The following METTL24 variants were observed in gnomAD, a reference collection of about 807,000 sequenced individuals.
METTL24 encodes the protein probable methyltransferase-like protein 24.
METTL24 carries 29 observed loss-of-function variants against 32.7 expected under a neutral mutation model. The ratio of observed to expected loss-of-function variants is 0.89; its 90% CI spans 0.66 to 1.21. METTL24 has a LOEUF of 1.21. Ranked by LOEUF, METTL24 falls within the 50% of genes most tolerant of loss-of-function variation. The pLI is 0.00. For synonymous variants in METTL24, 163 were observed against 179.5 expected (o/e 0.91, Z 0.73); for missense variants, 439 against 468.1 (o/e 0.94, Z 0.57).
chr6:110,325,867 G>A (rs1179365427), intron 1 of METTL24, among the ~76,000 whole-genome samples: 2 of 152,192 alleles, frequency 1.3e-5, no homozygotes, highest in African/African-American at 4.8e-5. Context: ...ACTGCAAATG[G>A]TGCAAACTTC....
chr6:110,276,751 C>T (rs926929270), intron 4 of METTL24, among the ~76,000 whole-genome samples: 12 of 152,108 alleles, frequency 7.9e-5, no homozygotes, highest in African/African-American at 2.9e-4. Flanking sequence ...AGTGCACCTT[C>T]CTTAGGGAAT....
intron 3 of METTL24, among the ~76,000 whole-genome samples, chr6:110,303,383 C>G (rs1398367727): frequency 1.3e-5 from 2 of 152,164 alleles, no homozygotes; most frequent in African/African-American, 4.8e-5. Context: ...AGATCCCACC[C>G]CCAAGGAGCC....
At chr6:110,270,758 T>C (rs1055893073) in intron 4 of METTL24, among the ~76,000 whole-genome samples, 4 of 152,112 alleles carry the variant, frequency 2.6e-5, no homozygotes, top group African/African-American at 9.7e-5. Context: ...TTTCCATAAA[T>C]GTCTTAAAAG....
chr6:110,358,142 C>G lies in METTL24; in HGVS notation c.131G>C (p.Ser44Thr). 1 of 1,155,990 alleles carries G rather than the reference C, an allele frequency of 8.7e-7. No homozygotes were observed. Among genetic ancestry groups the G allele is most frequent in the South Asian group, 4.1e-5 (1 of 24,504 alleles). 71.6% of individuals were successfully genotyped at this position (1,155,990 alleles called of 1,614,324 possible). The change falls in exon 1 of 5, where the codon AGC (serine) becomes ACC (threonine). Residue 44 changes from serine (S) to threonine (T), a missense_variant. Ser to Thr is a moderately conservative substitution (Grantham distance 58). Transcript: ENST00000338882. ...CCGCCAGGCCGGGCCCGGCGGGGCG[C>G]TGCGGGTGGGGGACCCGGGCCCGGC... ...RRAGPGSPTR[S>T]APPGPAWRPP...
chr6:110,275,823 A>G (rs887859926), intron 4 of METTL24, among the ~76,000 whole-genome samples: 3 of 152,236 alleles, frequency 2.0e-5, no homozygotes, highest in Admixed American at 1.3e-4. Flanking sequence ...ATATATAACA[A>G]GCATTAATTA....
chr6:110,308,249 T>A (rs1406797645), intron 3 of METTL24, among the ~76,000 whole-genome samples: 1 of 152,162 alleles, frequency 6.6e-6, no homozygotes, highest in Non-Finnish European at 1.5e-5. Flanking sequence ...AAGCTGCAAG[T>A]AGTACTGCAG....
intron 4 of METTL24, among the ~76,000 whole-genome samples, chr6:110,277,665 A>C (rs1021216482): frequency 1.1e-4 from 16 of 152,298 alleles, no homozygotes; most frequent in South Asian, 6.2e-4. Context: ...AGTTCCTTTA[A>C]TATGTCTGGC....
intron 4 of METTL24, among the ~76,000 whole-genome samples, chr6:110,280,391 C>G (rs533936711): frequency 6.6e-6 from 1 of 152,186 alleles, no homozygotes; most frequent in East Asian, 1.9e-4. Context: ...CAATAGTCAC[C>G]AGGTATTCAA....
intron 4 of METTL24, among the ~76,000 whole-genome samples, chr6:110,279,605 CA>C (rs1771104542): frequency 1.3e-5 from 2 of 152,110 alleles, no homozygotes; most frequent in Non-Finnish European, 1.5e-5. Flanking sequence ...GTAGGCATTA[CA>C]AATTACATTG....
At chr6:110,319,603 G>A (rs1027724520) in intron 2 of METTL24, among the ~76,000 whole-genome samples, 2 of 152,000 alleles carry the variant, frequency 1.3e-5, no homozygotes, top group Non-Finnish European at 2.9e-5. Flanking sequence ...AGCTGAATCT[G>A]GAGACTTCCC....
intron 3 of METTL24, among the ~76,000 whole-genome samples, chr6:110,313,348 T>C (rs2114745343): frequency 6.6e-6 from 1 of 152,288 alleles, no homozygotes; most frequent in East Asian, 1.9e-4. Context: ...ACCCCATTAA[T>C]TTGTACAAAT....
intron 3 of METTL24, among the ~76,000 whole-genome samples, chr6:110,314,735 G>A (rs1771786787): frequency 6.6e-6 from 1 of 152,146 alleles, no homozygotes; most frequent in Non-Finnish European, 1.5e-5. Flanking sequence ...GCCGAGGCAG[G>A]TGGATTGCTT....
At chr6:110,274,012 G>A (rs907731321) in intron 4 of METTL24, among the ~76,000 whole-genome samples, 1 of 152,208 alleles carries the variant, frequency 6.6e-6, no homozygotes, top group Non-Finnish European at 1.5e-5. Flanking sequence ...AGAAAATGTG[G>A]TATCTATACA....
chr6:110,357,867 G>A, intron 1 of METTL24, 88 bp downstream of exon 1: 1 of 689,934 alleles, frequency 1.4e-6, no homozygotes, highest in Non-Finnish European at 1.9e-6. Context: ...CATCGAGGCG[G>A]CCTGCGGGAC....
In METTL24 at chr6:110,358,119, G is replaced by T. The variant is rs1181543440; in HGVS notation, c.154C>A (p.Arg52=). ...GGCGGCAGGTGCGGCCCAGGTGGCC[G>T]CCAGGCCGGGCCCGGCGGGGCGCTG... ...TRSAPPGPAW[R]PPGPHLPPAP... The change falls in exon 1 of 5, where the codon CGG becomes AGG. Residue 52 remains arginine, a synonymous_variant. Transcript: ENST00000338882. 1.9e-6 allele frequency: 2 copies of T among 1,058,826 alleles called. No homozygotes were observed. Among genetic ancestry groups the T allele is most frequent in the Non-Finnish European group, 2.3e-6 (2 of 878,466 alleles). The allele number at this position is 1,058,826 out of a possible 1,614,324, so 65.6% of individuals were successfully genotyped here. A position where few individuals can be genotyped will look rare whatever the true frequency, so the allele number is the denominator to read the frequency against.
At chr6:110,335,799 G>A (rs1457323051) in intron 1 of METTL24, among the ~76,000 whole-genome samples, 2 of 152,196 alleles carry the variant, frequency 1.3e-5, no homozygotes, top group South Asian at 4.1e-4. Context: ...AGAAAACGAA[G>A]TTCAGAGAGG....
intron 2 of METTL24, among the ~76,000 whole-genome samples, chr6:110,322,157 CTT>C (rs1771940281): frequency 6.6e-6 from 1 of 152,224 alleles, no homozygotes; most frequent in Non-Finnish European, 1.5e-5. Context: ...TGGACAGTCT[CTT>C]TGCCTGCTCG....
intron 4 of METTL24, among the ~76,000 whole-genome samples, chr6:110,287,696 T>G (rs1468978625): frequency 6.6e-6 from 1 of 152,172 alleles, no homozygotes; most frequent in Non-Finnish European, 1.5e-5. Context: ...GATAAGGTAT[T>G]CAAATTTTCA....
chr6:110,299,117 G>A lies in METTL24; in HGVS notation c.591C>T (p.Ser197=). The part of the protein sequence containing the change: ...LGSDDTHFEV[S]MANNGCEVHR... Reference sequence around the variant, plus strand: ...GCACTTCACATCCGTTGTTGGCCATGCTAACCTCAAAATGGGTATCATCAC... The same window carrying A: ...GCACTTCACATCCGTTGTTGGCCATACTAACCTCAAAATGGGTATCATCAC... Residue 197 remains serine, a synonymous_variant, in exon 4 of 5, where the codon AGC becomes AGT. Coordinates refer to ENST00000338882, the MANE Select transcript of METTL24 (RefSeq NM_001123364.3). 1 of 1,614,064 alleles carries A rather than the reference G, an allele frequency of 6.2e-7. No homozygotes were observed. Among genetic ancestry groups the A allele is most frequent in the Non-Finnish European group, 8.5e-7 (1 of 1,180,024 alleles).
Sources: allele counts gnomAD v4.1 joint callset (sites outside exome capture counted in the v4.1 genomes callset), GRCh38; gene constraint gnomAD v4.1.1; transcripts MANE v1.5; gene names NCBI Gene and HGNC (gene_info 2026-07-23, HGNC 2026-07-21).